Variants in TPH2 observed in about 807,000 individuals in gnomAD.
The protein encoded by TPH2 is tryptophan 5-hydroxylase 2.
TPH2 carries 27 observed loss-of-function variants against 59.1 expected under a neutral mutation model. The ratio of observed to expected loss-of-function variants is 0.46; its 90% confidence interval spans 0.34 to 0.63. The LOEUF is 0.63. TPH2 is among the 30% of genes least tolerant of loss of function. The pLI, the probability that TPH2 is intolerant of heterozygous loss-of-function variation, is 0.01. For synonymous variants in TPH2, 220 were observed against 210.5 expected, an observed-to-expected ratio of 1.05 and a Z score of -0.39; for missense variants, 523 against 588.3, an observed-to-expected ratio of 0.89 and a Z score of 1.15.
intron 8 of TPH2, among the ~76,000 whole-genome samples, chr12:72,009,099 A>G (rs1303531221): frequency 2.0e-5 from 3 of 152,308 alleles, no homozygotes; most frequent in South Asian, 2.1e-4. Context: ...TCTGGCAGTC[A>G]GATTGCTTTA....
rs114208340 is a variant in TPH2, at chr12:71,988,194, T to C, written c.942-6245T>C. Among the ~76,000 whole-genome samples, 821 of 152,302 alleles carry C rather than the reference T, an allele frequency of 5.4e-3. 10 individuals carry two copies. The highest frequency in any genetic ancestry group is 0.019 in the African/African-American group (770 of 41,558). On this transcript the variant is annotated intron_variant, in intron 7 of 10. Coordinates refer to ENST00000333850, the MANE Select transcript of TPH2 (RefSeq NM_173353.4). ...TGACTGTAGGGTATATGCTTTGGAC[T>C]GTTGTGTTATATTGCTTTCTTAATT...
chr12:72,001,044 G>A (rs1286056368), intron 8 of TPH2, among the ~76,000 whole-genome samples: 1 of 152,168 alleles, frequency 6.6e-6, no homozygotes, highest in East Asian at 1.9e-4. Context: ...ATATCATAAA[G>A]GCATTTGAAA....
In TPH2 at chr12:72,012,373, C is replaced by T. The variant is rs150634457; in HGVS notation, c.1069-10026C>T. 6.2e-4 allele frequency among the ~76,000 whole-genome samples: 95 copies of T among 152,146 alleles called. 1 individual carries two copies. Among genetic ancestry groups the T allele is most frequent in the African/African-American group, 2.1e-3 (86 of 41,504 alleles). On this transcript the variant is annotated intron_variant, in intron 8 of 10. Coordinates refer to ENST00000333850, the MANE Select transcript of TPH2 (RefSeq NM_173353.4). ...TGGACACGAATCAGACGAAGGGGCTCGGCAATGACAAGAGCATTCCAAGCA... is the reference window on the plus strand; with the variant it reads ...TGGACACGAATCAGACGAAGGGGCTTGGCAATGACAAGAGCATTCCAAGCA...
chr12:71,954,855 T>C (rs1871450935), intron 5 of TPH2, among the ~76,000 whole-genome samples: 1 of 151,866 alleles, frequency 6.6e-6, no homozygotes, highest in Non-Finnish European at 1.5e-5. Flanking sequence ...GTGGGGATGG[T>C]GGTAGTTATT....
At chr12:71,946,269 C>G (rs1216517148) in intron 4 of TPH2, among the ~76,000 whole-genome samples, 2 of 152,172 alleles carry the variant, frequency 1.3e-5, no homozygotes, top group Admixed American at 6.6e-5. Flanking sequence ...ATTAAATCAT[C>G]CGGATCAATG....
At chr12:71,980,345 T>A (rs1312155072) in intron 7 of TPH2, among the ~76,000 whole-genome samples, 1 of 152,170 alleles carries the variant, frequency 6.6e-6, no homozygotes, top group African/African-American at 2.4e-5. Flanking sequence ...GTTGCCATGG[T>A]CTTCGCTGGG....
At position 71,961,996 on chromosome 12, in the gene TPH2, T is replaced by C. The variant is rs866741612; in HGVS notation, c.609-10523T>C. The stretch of plus-strand genomic sequence containing the variant: ...CCGTAGACTCATTTACGAAAATTCA[T>C]GTGTGCAAAACTCATTTGCAAAAGC... On this transcript the variant is annotated intron_variant, in intron 5 of 10. Transcript: ENST00000333850. The C allele has an allele frequency of 5.3e-5, 55 of 1,033,906 alleles. No homozygotes were observed. The Middle Eastern group carries it at 2.4e-3, about 45-fold the overall frequency. 64.0% of individuals were successfully genotyped at this position (1,033,906 alleles called of 1,614,324 possible).
rs1444273105 is a variant in TPH2, at chr12:71,972,670, G to A, written c.760G>A (p.Glu254Lys). 1 of 1,614,160 alleles carries A rather than the reference G, an allele frequency of 6.2e-7. No individual in the cohort carries two copies. Among genetic ancestry groups the A allele is most frequent in the South Asian group, 1.1e-5 (1 of 91,092 alleles). Residue 254 changes from glutamate (E) to lysine (K), a missense_variant, in exon 6 of 11, where the codon GAG becomes AAG. Coordinates refer to ENST00000333850, the MANE Select transcript of TPH2 (RefSeq NM_173353.4). ...PLLTKYCGYR[E>K]DNVPQLEDVS... Reference sequence around the variant, plus strand: ...GCTGACTAAATACTGTGGCTACAGAGAGGACAATGTGCCTCAACTCGAAGA... The same window carrying A: ...GCTGACTAAATACTGTGGCTACAGAAAGGACAATGTGCCTCAACTCGAAGA...
In TPH2 at chr12:72,031,875, T is replaced by C. The variant is rs1873733469; in HGVS notation, c.*180T>C. On this transcript the variant is annotated 3_prime_UTR_variant, in exon 11 of 11. Coordinates refer to ENST00000333850, the MANE Select transcript of TPH2 (RefSeq NM_173353.4). ...ATATAAAGCACCATAAGAAATCCAA[T>C]GGCAGATAACCACTCATTGTATGAA... 1 of 694,184 alleles carries C rather than the reference T, an allele frequency of 1.4e-6. No individual in the cohort carries two copies. Among genetic ancestry groups the C allele is most frequent in the South Asian group, 1.7e-5 (1 of 59,984 alleles). The allele number at this position is 694,184 out of a possible 1,614,324, so 43.0% of individuals were successfully genotyped here. A position where few individuals can be genotyped will look rare whatever the true frequency, so the allele number is the denominator to read the frequency against.
intron 8 of TPH2, among the ~76,000 whole-genome samples, chr12:72,003,253 G>A (rs1872871521): frequency 1.3e-5 from 2 of 152,128 alleles, no homozygotes; most frequent in Admixed American, 1.3e-4. Flanking sequence ...TCCATGTAGA[G>A]TCTTTGAACT....
intron 4 of TPH2, among the ~76,000 whole-genome samples, chr12:71,948,559 G>A (rs1329035238): frequency 6.6e-6 from 1 of 152,174 alleles, no homozygotes; most frequent in Non-Finnish European, 1.5e-5. Context: ...CTCTTGAGCG[G>A]CCCATCTTGC....
chr12:72,018,372 T>A (rs1035757501), intron 8 of TPH2, among the ~76,000 whole-genome samples: 4 of 152,184 alleles, frequency 2.6e-5, no homozygotes, highest in African/African-American at 7.2e-5. Flanking sequence ...TATCTTTGAA[T>A]CTTTAGTTGT....
intron 8 of TPH2, among the ~76,000 whole-genome samples, chr12:72,016,986 G>T (rs997404492): frequency 6.6e-6 from 1 of 152,160 alleles, no homozygotes; most frequent in African/African-American, 2.4e-5. Flanking sequence ...TAGGGAAATG[G>T]GAATAGTAAA....
intron 5 of TPH2, among the ~76,000 whole-genome samples, chr12:71,954,626 T>G (rs1405339579): frequency 2.6e-5 from 4 of 152,136 alleles, no homozygotes; most frequent in Non-Finnish European, 5.9e-5. Context: ...GTTGTTAGGT[T>G]TGTCTGAAAC....
In TPH2 at chr12:71,991,652, C is replaced by T. The variant is rs147010179; in HGVS notation, c.942-2787C>T. ...ATCTTAATTCCAATATTGGTGCAGG[C>T]GGCATGACCTTTTAAAAAAATTGAT... On this transcript the variant is annotated intron_variant, in intron 7 of 10. Transcript: ENST00000333850. Among the ~76,000 whole-genome samples, 244 of 152,092 alleles carry T rather than the reference C, an allele frequency of 1.6e-3. 1 individual carries two copies. Among genetic ancestry groups the T allele is most frequent in the African/African-American group, 5.7e-3 (236 of 41,458 alleles).
intron 8 of TPH2, among the ~76,000 whole-genome samples, chr12:72,013,885 G>GCTA (rs1219973481): frequency 6.6e-6 from 1 of 151,678 alleles, no homozygotes; most frequent in African/African-American, 2.4e-5. Flanking sequence ...CACTCTAGCT[G>GCTA]GGGTAGGTGG....
chr12:71,955,962 A>T (rs1394416173), intron 5 of TPH2, among the ~76,000 whole-genome samples: 1 of 152,236 alleles, frequency 6.6e-6, no homozygotes, highest in African/African-American at 2.4e-5. Context: ...ATCAAGAATT[A>T]GGGAACAGCC....
intron 5 of TPH2, among the ~76,000 whole-genome samples, chr12:71,967,648 A>T (rs1222290971): frequency 1.3e-5 from 2 of 152,158 alleles, no homozygotes; most frequent in East Asian, 3.8e-4. Flanking sequence ...AATGCAGGAG[A>T]CTTTCTAGAT....
chr12:71,961,927 AAACT>A, intron 5 of TPH2: 1 of 1,064,116 alleles, frequency 9.4e-7, no homozygotes, highest in Non-Finnish European at 1.1e-6. Flanking sequence ...CGAACAAAAC[AAACT>A]AATGTTTTTG....
Sources: gnomAD v4.1 joint callset for allele counts (sites outside exome capture counted in the v4.1 genomes callset) on GRCh38, gnomAD v4.1.1 for gene constraint, MANE v1.5 for transcripts, NCBI Gene and HGNC (gene_info 2026-07-23, HGNC 2026-07-21) for gene names.